ITPK1: variants seen among roughly 807,000 people sequenced by gnomAD.
ITPK1 encodes the protein inositol-tetrakisphosphate 1-kinase, also known as inositol 1,3,4-trisphosphate 5/6-kinase.
A neutral mutation model predicts 45.3 loss-of-function variants in ITPK1; 21 were observed. The ratio of observed to expected loss-of-function variants is 0.46; its 90% confidence interval spans 0.33 to 0.67. The LOEUF (loss-of-function observed/expected upper bound fraction) is 0.67, where lower values mean the gene tolerates loss of function less well. ITPK1 is among the 30% of genes least tolerant of loss of function. The pLI is 0.02. For missense variants in ITPK1, 474 were observed against 573.5 expected, an observed-to-expected ratio of 0.83 and a Z score of 1.77; for synonymous variants, 258 against 253.6, an observed-to-expected ratio of 1.02 and a Z score of -0.16.
chr14:93,016,594 TA>T lies in ITPK1; in HGVS notation c.246+81del. 6.6e-7 allele frequency: 1 copy of T among 1,514,054 alleles called. No individual in the cohort carries two copies. The highest frequency in any genetic ancestry group is 2.3e-5 in the East Asian group (1 of 44,078). The allele number at this position is 1,514,054 out of a possible 1,614,324, so 93.8% of individuals were successfully genotyped here. A position where few individuals can be genotyped will look rare whatever the true frequency, so the allele number is the denominator to read the frequency against. Reference sequence around the variant, plus strand: ...TACCTCCAGAGAGCTGCTACCGCCCTAAATACACACACGGCCATTCCAGGGC... The same window carrying T: ...TACCTCCAGAGAGCTGCTACCGCCCTAATACACACACGGCCATTCCAGGGC... On this transcript the variant is annotated intron_variant, in intron 4 of 10. Coordinates refer to ENST00000267615, the MANE Select transcript of ITPK1 (RefSeq NM_014216.6). The surrounding 1 kb of genome is among the most constrained non-coding windows in gnomAD (Gnocchi z 5.0).
At chr14:93,005,810 C>T (rs556438896) in intron 4 of ITPK1, among the ~76,000 whole-genome samples, 1 of 152,164 alleles carries the variant, frequency 6.6e-6, no homozygotes, top group Non-Finnish European at 1.5e-5. Context: ...AAAACATGAT[C>T]AGAAATGCCC....
rs891680681 is a variant in ITPK1, at chr14:92,941,005, G to A, written c.*556C>T. On this transcript the variant is annotated 3_prime_UTR_variant, in exon 11 of 11. Transcript: ENST00000267615. ...GTCTGTGGCCTCCTCTGGCTGTGGG[G>A]AGGGAGGGGTTAGCTGCACACCAGG... The A allele has an allele frequency of 7.9e-7, 1 of 1,266,972 alleles. No individual in the cohort carries two copies. Among genetic ancestry groups the A allele is most frequent in the South Asian group, 1.3e-5 (1 of 78,132 alleles). 78.5% of individuals were successfully genotyped at this position (1,266,972 alleles called of 1,614,324 possible). A position where few individuals can be genotyped will look rare whatever the true frequency, so the allele number is the denominator to read the frequency against.
At chr14:92,975,747 G>A (rs969585049) in intron 5 of ITPK1, among the ~76,000 whole-genome samples, 1 of 152,222 alleles carries the variant, frequency 6.6e-6, no homozygotes, top group Non-Finnish European at 1.5e-5. Context: ...GTCTCCTGCA[G>A]TAGAACCATA....
intron 3 of ITPK1, among the ~76,000 whole-genome samples, chr14:93,030,806 G>A (rs1889005647): frequency 6.6e-6 from 1 of 152,232 alleles, no homozygotes; most frequent in Non-Finnish European, 1.5e-5. Context: ...GATGACCTTT[G>A]TTAAGATGAG....
At chr14:92,946,224 A>T in intron 10 of ITPK1, 107 bp downstream of exon 10, 1 of 1,309,766 alleles carries the variant, frequency 7.6e-7, no homozygotes, top group Non-Finnish European at 1.1e-6. Flanking sequence ...CCTCGTGGTG[A>T]GGGAGAAAGC....
Position 93,076,229 on chromosome 14 carries a change from C to T in ITPK1, c.120+366G>A, listed in dbSNP as rs1272640939. Among the ~76,000 whole-genome samples the T allele has an allele frequency of 1.3e-5, 2 of 152,060 alleles. No homozygotes were observed. Among genetic ancestry groups the T allele is most frequent in the East Asian group, 3.9e-4 (2 of 5,180 alleles). On this transcript the variant is annotated intron_variant, in intron 3 of 10. Coordinates refer to ENST00000267615, the MANE Select transcript of ITPK1 (RefSeq NM_014216.6). This position sits in a 1 kb window ranked among gnomAD's most constrained non-coding sequence, Gnocchi z 4.3. ...TAGTTAATGAGCACCTGAACCAAGT[C>T]CACCCAGGGTGAGGCTACACAGAGC...
At chr14:93,111,989 C>T (rs572032178) in intron 2 of ITPK1, among the ~76,000 whole-genome samples, 1 of 152,228 alleles carries the variant, frequency 6.6e-6, no homozygotes, top group African/African-American at 2.4e-5. Flanking sequence ...TGGGGCACTT[C>T]ATGGCCCATG....
chr14:93,001,879 G>C (rs1486449870), intron 4 of ITPK1, among the ~76,000 whole-genome samples: 1 of 152,164 alleles, frequency 6.6e-6, no homozygotes, highest in Non-Finnish European at 1.5e-5. Flanking sequence ...TGAAACCCTG[G>C]AAGTCTCTGG....
chr14:93,104,779 G>A (rs1892456226), intron 2 of ITPK1, among the ~76,000 whole-genome samples: 1 of 152,230 alleles, frequency 6.6e-6, no homozygotes, highest in African/African-American at 2.4e-5. Context: ...CAAGGGGGCA[G>A]AGAGGAAGCA....
intron 5 of ITPK1, among the ~76,000 whole-genome samples, chr14:92,981,052 C>G (rs1317196234): frequency 6.6e-6 from 1 of 152,172 alleles, no homozygotes; most frequent in Non-Finnish European, 1.5e-5. Context: ...CCTGGCCCAC[C>G]CTTGGAGCCC....
chr14:93,027,218 A>G (rs113512904), intron 3 of ITPK1, among the ~76,000 whole-genome samples: 4,056 of 152,262 alleles, frequency 0.027, 99 homozygotes, highest in Admixed American at 0.085. Context: ...ACTGCTCATC[A>G]TGTGCTCCCA....
At chr14:93,080,304 T>C (rs1891385876) in intron 2 of ITPK1, among the ~76,000 whole-genome samples, 1 of 152,230 alleles carries the variant, frequency 6.6e-6, no homozygotes, top group African/African-American at 2.4e-5. Flanking sequence ...GCCGAGGGAC[T>C]TCCTTTTCAC....
Position 92,976,423 on chromosome 14 carries a change from C to T in ITPK1, c.365-13574G>A, listed in dbSNP as rs115177398. The stretch of plus-strand genomic sequence containing the variant: ...AGCTGCCAAGTCAGTAGTCTGGCTA[C>T]TCTGTCACCATCATGCTAAACTGCC... On this transcript the variant is annotated intron_variant, in intron 5 of 10. Transcript: ENST00000267615. Among the ~76,000 whole-genome samples, 1,137 of 152,330 alleles carry T rather than the reference C, an allele frequency of 7.5e-3. 16 individuals carry two copies. Among genetic ancestry groups the T allele is most frequent in the African/African-American group, 0.026 (1,088 of 41,574 alleles).
chr14:92,980,296 C>G (rs893432078), intron 5 of ITPK1, among the ~76,000 whole-genome samples: 1 of 152,190 alleles, frequency 6.6e-6, no homozygotes, highest in African/African-American at 2.4e-5. Flanking sequence ...TTGGCTGAGC[C>G]AGAGCCCCTG....
chr14:92,984,429 T>C (rs981988135), intron 5 of ITPK1, among the ~76,000 whole-genome samples: 1 of 152,246 alleles, frequency 6.6e-6, no homozygotes, highest in African/African-American at 2.4e-5. Context: ...GTTTTTCATA[T>C]TTTCCATCTC....
chr14:92,943,033 A>G (rs1372963402), intron 10 of ITPK1, among the ~76,000 whole-genome samples: 1 of 152,256 alleles, frequency 6.6e-6, no homozygotes, highest in Non-Finnish European at 1.5e-5. Flanking sequence ...CTTATTCAGC[A>G]AACAACTGCT....
intron 5 of ITPK1, among the ~76,000 whole-genome samples, chr14:92,975,578 CTGAA>C (rs1885900288): frequency 6.6e-6 from 1 of 152,214 alleles, no homozygotes; most frequent in Non-Finnish European, 1.5e-5. Context: ...CTCCGTGTAC[CTGAA>C]TGAGATTAGC....
intron 3 of ITPK1, among the ~76,000 whole-genome samples, chr14:93,047,071 C>T (rs2139922351): frequency 6.6e-6 from 1 of 152,336 alleles, no homozygotes; most frequent in East Asian, 1.9e-4. Context: ...AGAATCAGAC[C>T]AATGGACCAC....
chr14:92,968,457 T>G (rs1885486705), intron 5 of ITPK1, among the ~76,000 whole-genome samples: 1 of 152,114 alleles, frequency 6.6e-6, no homozygotes, highest in Admixed American at 6.5e-5. Context: ...GCTAAGTAAA[T>G]GCTTCACAAC....
Sources: gnomAD v4.1 joint callset for allele counts (sites outside exome capture counted in the v4.1 genomes callset) on GRCh38, gnomAD v4.1.1 for gene constraint, Gnocchi (gnomAD v3.1) non-coding constraint, MANE v1.5 for transcripts, NCBI Gene and HGNC (gene_info 2026-07-23, HGNC 2026-07-21) for gene names.